The following SMURF2 variants were observed in gnomAD, a reference collection of about 807,000 sequenced individuals.
SMURF2 encodes the protein SMAD specific E3 ubiquitin protein ligase 2.
In SMURF2, 48 loss-of-function variants were observed where a neutral mutation model predicts 109.6. The ratio of observed to expected loss-of-function variants is 0.44; its 90% CI spans 0.35 to 0.56. The LOEUF is 0.56. SMURF2 is among the 20% of genes least tolerant of loss of function. The pLI is 0.01. For missense variants in SMURF2, 575 were observed against 909.0 expected (o/e 0.63, Z 4.72); for synonymous variants, 288 against 317.1 (o/e 0.91, Z 0.97).
intron 15 of SMURF2, among the ~76,000 whole-genome samples, chr17:64,553,724 G>A (rs1229698144): frequency 1.3e-5 from 2 of 151,952 alleles, no homozygotes; most frequent in African/African-American, 2.4e-5. Flanking sequence ...GTCTTTCCCC[G>A]TATTCGTTCA....
At chr17:64,595,125 T>C (rs1555687988) in intron 3 of SMURF2, among the ~76,000 whole-genome samples, 1 of 152,218 alleles carries the variant, frequency 6.6e-6, no homozygotes. Context: ...ACTTCATCTG[T>C]GTAGTCCAAT....
At chr17:64,644,071 T>G (rs1203017797) in intron 1 of SMURF2, among the ~76,000 whole-genome samples, 1 of 152,028 alleles carries the variant, frequency 6.6e-6, no homozygotes, top group African/African-American at 2.4e-5. Context: ...AGTGGCACAA[T>G]CTTGGCTCAC....
chr17:64,618,699 C>T (rs1437901048), intron 1 of SMURF2, among the ~76,000 whole-genome samples: 24 of 152,032 alleles, frequency 1.6e-4, no homozygotes, highest in African/African-American at 5.1e-4. Context: ...ATAAGGATGC[C>T]GAGAGAAGGA....
At chr17:64,560,804 A>AG in intron 12 of SMURF2, 1 of 150,994 alleles carries the variant, frequency 6.6e-6, no homozygotes, top group East Asian at 1.9e-4. Context: ...CTACAAAAAA[A>AG]AAAAAACAAA....
intron 1 of SMURF2, among the ~76,000 whole-genome samples, chr17:64,623,568 C>G (rs1422827186): frequency 6.6e-6 from 1 of 152,172 alleles, no homozygotes; most frequent in Non-Finnish European, 1.5e-5. Context: ...CATCGCAAGC[C>G]AGAAGTTTTG....
intron 1 of SMURF2, among the ~76,000 whole-genome samples, chr17:64,620,606 G>A (rs1365294967): frequency 6.6e-6 from 1 of 152,056 alleles, no homozygotes; most frequent in Non-Finnish European, 1.5e-5. Flanking sequence ...TCAAACTTCT[G>A]TGAAGCCTTT....
intron 11 of SMURF2, 50 bp downstream of exon 11, chr17:64,562,721 G>T: frequency 6.4e-7 from 1 of 1,559,362 alleles, no homozygotes; most frequent in Non-Finnish European, 8.8e-7. Flanking sequence ...AGCAAGCAAT[G>T]GGTTTCTGGA....
chr17:64,558,282 C>G (rs1217129959), intron 12 of SMURF2, among the ~76,000 whole-genome samples: 1 of 151,922 alleles, frequency 6.6e-6, no homozygotes, highest in Non-Finnish European at 1.5e-5. Flanking sequence ...GCCTATAGTC[C>G]CAGCTACTTG....
rs1598323598 is a variant in SMURF2 at position 64,662,167 on chromosome 17, G to A, written c.-287C>T. The A allele has an allele frequency of 2.9e-6, 3 of 1,035,236 alleles. No individual in the cohort carries two copies. The East Asian group carries it at 2.4e-4, about 82-fold the overall frequency. The allele number at this position is 1,035,236 out of a possible 1,614,324, so 64.1% of individuals were successfully genotyped here. A position where few individuals can be genotyped will look rare whatever the true frequency, so the allele number is the denominator to read the frequency against. ...GCCCGCGCCCCCGCCGCCTCCTCGC[G>A]GCCGCCGAGGCCTTTCCCTCCTCTC... On this transcript the variant is annotated 5_prime_UTR_variant, in exon 1 of 19. Transcript: ENST00000262435.
intron 3 of SMURF2, among the ~76,000 whole-genome samples, chr17:64,597,014 T>C (rs1969827480): frequency 6.6e-6 from 1 of 152,136 alleles, no homozygotes; most frequent in African/African-American, 2.4e-5. Flanking sequence ...CATGGAACAA[T>C]GGTTTAACCA....
At chr17:64,554,660 A>G (rs1473283186) in intron 15 of SMURF2, among the ~76,000 whole-genome samples, 196 bp downstream of exon 15, 7 of 152,178 alleles carry the variant, frequency 4.6e-5, no homozygotes, top group African/African-American at 1.7e-4. Context: ...GTTGTCATCC[A>G]TGTTGTTCTT....
In SMURF2 at chr17:64,580,780, T is replaced by C. The variant is rs1349405676; in HGVS notation, c.772+9A>G. 1.9e-6 allele frequency: 3 copies of C among 1,612,360 alleles called. No individual in the cohort carries two copies. The highest frequency in any genetic ancestry group is 2.2e-5 in the East Asian group (1 of 44,894). Reference sequence around the variant, plus strand: ...ACCACATTTTATTTTTCCTTTGTAGTTGTCATACCATAGCCTTCTGGTAGG... The same window carrying C: ...ACCACATTTTATTTTTCCTTTGTAGCTGTCATACCATAGCCTTCTGGTAGG... On this transcript the variant is annotated intron_variant, in intron 8 of 18. Coordinates refer to ENST00000262435, the MANE Select transcript of SMURF2 (RefSeq NM_022739.4).
At chr17:64,656,696 C>T (rs1399118150) in intron 1 of SMURF2, among the ~76,000 whole-genome samples, 2 of 152,004 alleles carry the variant, frequency 1.3e-5, no homozygotes, top group South Asian at 2.1e-4. Flanking sequence ...GTTACCTACA[C>T]CAAGATGTTT....
intron 6 of SMURF2, among the ~76,000 whole-genome samples, chr17:64,585,311 TTCTC>T (rs1326080610): frequency 2.6e-5 from 4 of 152,298 alleles, no homozygotes; most frequent in African/African-American, 9.6e-5. Context: ...GGCAAATAAC[TTCTC>T]TCTTAGTTTT....
rs1304828552 is a variant in SMURF2 at position 64,661,673 on chromosome 17, T to C, written c.52+156A>G. 1.3e-5 allele frequency among the ~76,000 whole-genome samples: 2 copies of C among 151,670 alleles called. 1 individual carries two copies. The highest frequency in any genetic ancestry group is 4.8e-5 in the African/African-American group (2 of 41,244). On this transcript the variant is annotated intron_variant, in intron 1 of 18. Transcript: ENST00000262435. Reference sequence around the variant, plus strand: ...TAAACAATGTCCAAACCAGAGCAAGTGGTTTTCCAATTACTCTCCCTGAAC... The same window carrying C: ...TAAACAATGTCCAAACCAGAGCAAGCGGTTTTCCAATTACTCTCCCTGAAC...
chr17:64,586,338 T>C lies in SMURF2; in HGVS notation c.401-168A>G, dbSNP rs527377091. Among the ~76,000 whole-genome samples, 6 of 152,322 alleles carry C rather than the reference T, an allele frequency of 3.9e-5. No individual in the cohort carries two copies. The South Asian group carries it at 1.0e-3, about 26-fold the overall frequency. On this transcript the variant is annotated intron_variant, in intron 5 of 18. Transcript: ENST00000262435. ...ATTTCTTTTCCCATAGATTTTTCCC[T>C]TTAGGAGTAATATTAGAATTCTAAG... is the stretch of plus-strand genomic sequence containing the variant.
rs1294003839 is a variant in SMURF2, at chr17:64,583,456, C to T, written c.569+5G>A. ...GATCATGAGAAAATATTTGTATGTTCTTACCGTGTTGGGCGCTCCCATTGC... is the reference window on the plus strand; with the variant it reads ...GATCATGAGAAAATATTTGTATGTTTTTACCGTGTTGGGCGCTCCCATTGC... On this transcript the variant is annotated splice_donor_5th_base_variant and intron_variant, in intron 7 of 18. Coordinates refer to ENST00000262435, the MANE Select transcript of SMURF2 (RefSeq NM_022739.4). The T allele has an allele frequency of 8.1e-6, 13 of 1,609,890 alleles. No homozygotes were observed. The highest frequency in any genetic ancestry group is 1.1e-5 in the Non-Finnish European group (13 of 1,176,132).
At chr17:64,628,910 T>A (rs1451699507) in intron 1 of SMURF2, among the ~76,000 whole-genome samples, 1 of 152,000 alleles carries the variant, frequency 6.6e-6, no homozygotes, top group African/African-American at 2.4e-5. Flanking sequence ...TTCTATCTCC[T>A]CCCCTGTTAC....
At position 64,634,218 on chromosome 17, in the gene SMURF2, G is replaced by C. The variant is rs188752381; in HGVS notation, c.53-27578C>G. ...ATTCTTGGAGCTAAGTAATACAAGG[G>C]GGCTGGGAGTTTCACCATTTAAAGA... On this transcript the variant is annotated intron_variant, in intron 1 of 18. Transcript: ENST00000262435. 9.9e-5 allele frequency among the ~76,000 whole-genome samples: 15 copies of C among 152,244 alleles called. No individual in the cohort carries two copies. In the East Asian group the frequency reaches 2.7e-3, roughly 27 times the overall value.
Sources: allele counts gnomAD v4.1 joint callset (sites outside exome capture counted in the v4.1 genomes callset), GRCh38; gene constraint gnomAD v4.1.1; transcripts MANE v1.5; gene names NCBI Gene and HGNC (gene_info 2026-07-23, HGNC 2026-07-21).